SREK1: variants seen among roughly 807,000 people sequenced by gnomAD.
SREK1 encodes splicing regulatory glutamine/lysine-rich protein 1.
SREK1 carries 13 observed loss-of-function variants against 66.5 expected under a neutral mutation model. That is an observed-to-expected ratio of 0.20 (90% CI 0.13 to 0.31). The LOEUF is 0.31. SREK1 is among the 10% of genes least tolerant of loss of function. The probability of loss-of-function intolerance (pLI) is 1.00; values close to 1 mark genes in which losing one functional copy is unlikely to be tolerated. For synonymous variants in SREK1, 265 were observed against 263.5 expected, an observed-to-expected ratio of 1.01 and a Z score of -0.05; for missense variants, 607 against 769.6, an observed-to-expected ratio of 0.79 and a Z score of 2.50.
chr5:66,170,629 G>C lies in SREK1; in HGVS notation c.1166G>C (p.Arg389Thr). 1 of 1,612,238 alleles carries C rather than the reference G, an allele frequency of 6.2e-7. No homozygotes were observed. Among genetic ancestry groups the C allele is most frequent in the Non-Finnish European group, 8.5e-7 (1 of 1,179,640 alleles). Residue 389 changes from arginine to threonine, a missense_variant, in exon 9 of 12, where the codon AGA (arginine) becomes ACA (threonine). By Grantham distance (71) the Arg-to-Thr change is moderately conservative. This residue lies in a region of SREK1 where 318 missense variants were observed against 310.3 expected (regional missense o/e 1.02). Transcript: ENST00000334121. The stretch of plus-strand genomic sequence containing the variant: ...CGAGAAAAGATCAAGGAAAAGGAAA[G>C]AGTGAAAGAGAAAGACAGGGAAAAG... ...DTREKIKEKE[R>T]VKEKDREKER...
chr5:66,144,579 T>C, intron 1 of SREK1, 42 bp downstream of exon 1: 1 of 1,525,260 alleles, frequency 6.6e-7, no homozygotes, highest in Non-Finnish European at 8.8e-7. Flanking sequence ...GCGGGCGCCA[T>C]AGAGACCTCG....
chr5:66,150,349 A>G (rs1743682254), intron 1 of SREK1, among the ~76,000 whole-genome samples: 1 of 152,238 alleles, frequency 6.6e-6, no homozygotes, highest in Non-Finnish European at 1.5e-5. Flanking sequence ...TTGAGCCTTG[A>G]AGAAGAGTGG....
At chr5:66,169,464 G>C (rs931457767) in intron 7 of SREK1, 7 of 152,128 alleles carry the variant, frequency 4.6e-5, no homozygotes, top group Non-Finnish European at 1.0e-4. Context: ...CTCCAAAAAT[G>C]TGAAATTCAA....
chr5:66,144,619 G>A (rs1257092577), intron 1 of SREK1, 82 bp downstream of exon 1: 1 of 1,467,008 alleles, frequency 6.8e-7, no homozygotes, highest in Non-Finnish European at 9.0e-7. Flanking sequence ...GAGCGCGGAC[G>A]CGGGCGCGCG....
rs1011768338 is a variant in SREK1 at position 66,157,634 on chromosome 5, T to C, written c.296-1585T>C. On this transcript the variant is annotated intron_variant, in intron 2 of 11. Coordinates refer to ENST00000334121, the MANE Select transcript of SREK1 (RefSeq NM_001077199.3). ...TACATATAAAGCAGATTATTGTTAT[T>C]TGATGTTTTCAGTAAGGCCTACCTG... 3.1e-6 allele frequency: 3 copies of C among 970,288 alleles called. No homozygotes were observed. In the African/African-American group the frequency reaches 5.3e-5, roughly 17 times the overall value. The allele number at this position is 970,288 out of a possible 1,614,324, so 60.1% of individuals were successfully genotyped here.
At position 66,145,444 on chromosome 5, in the gene SREK1, G is replaced by T. The variant is rs114334026; in HGVS notation, c.161+907G>T. On this transcript the variant is annotated intron_variant, in intron 1 of 11. Coordinates refer to ENST00000334121, the MANE Select transcript of SREK1 (RefSeq NM_001077199.3). ...ATTATATCAAAATCCTTTGAGGGAA[G>T]GGGTAATTGTTACCCAAGATTTATT... is the stretch of plus-strand genomic sequence containing the variant. Among the ~76,000 whole-genome samples, 1,391 of 152,096 alleles carry T rather than the reference G, an allele frequency of 9.1e-3. 24 individuals carry two copies. Among genetic ancestry groups the T allele is most frequent in the African/African-American group, 0.031 (1,295 of 41,486 alleles).
intron 5 of SREK1, chr5:66,163,442 G>T (rs532072223): frequency 5.1e-6 from 1 of 195,456 alleles, no homozygotes; most frequent in South Asian, 8.3e-5. Flanking sequence ...ATATCAGTAA[G>T]ATCTTTTGAT....
At chr5:66,155,312 A>G (rs1296764150) in intron 2 of SREK1, among the ~76,000 whole-genome samples, 1 of 152,224 alleles carries the variant, frequency 6.6e-6, no homozygotes, top group Non-Finnish European at 1.5e-5. Flanking sequence ...CAATTTAGTT[A>G]TAAGTAAGTA....
intron 5 of SREK1, chr5:66,163,223 CT>C (rs1288185312): frequency 6.6e-6 from 1 of 152,324 alleles, no homozygotes; most frequent in Non-Finnish European, 1.5e-5. Flanking sequence ...GGGTACTTGT[CT>C]TCCCAGTGTG....
rs1305662043 is a variant in SREK1, at chr5:66,180,704, G to A, written c.*1836G>A. ...TCATTTTAATCATTCAGCCACATAC[G>A]GTTGGCTGGTAAACAGCTTATTCTG... On this transcript the variant is annotated 3_prime_UTR_variant, in exon 12 of 12. Transcript: ENST00000334121. The A allele has an allele frequency of 7.2e-5, 11 of 152,502 alleles. No homozygotes were observed. Among genetic ancestry groups the A allele is most frequent in the Non-Finnish European group, 4.4e-5 (3 of 68,008 alleles). 9.4% of individuals were successfully genotyped at this position (152,502 alleles called of 1,614,324 possible).
Position 66,177,510 on chromosome 5 carries a change from A to G in SREK1, c.1581-4A>G. 3.2e-6 allele frequency: 5 copies of G among 1,572,430 alleles called. No individual in the cohort carries two copies. Among genetic ancestry groups the G allele is most frequent in the South Asian group, 1.2e-5 (1 of 84,838 alleles). On this transcript the variant is annotated splice_region_variant and splice_polypyrimidine_tract_variant and intron_variant, in intron 10 of 11. Transcript: ENST00000334121. ...ATTTAACTGACATATCAATATTCTT[A>G]TAGCAGAAATAAGAAGGATAAAAAG...
chr5:66,176,091 G>C (rs2112105744), intron 10 of SREK1, among the ~76,000 whole-genome samples: 1 of 152,224 alleles, frequency 6.6e-6, no homozygotes, highest in Non-Finnish European at 1.5e-5. Context: ...TCTCTGGTTA[G>C]AGTCTTATTC....
At chr5:66,153,154 C>T (rs1456349196) in intron 1 of SREK1, among the ~76,000 whole-genome samples, 1 of 152,118 alleles carries the variant, frequency 6.6e-6, no homozygotes, top group African/African-American at 2.4e-5. Context: ...ATATGATACA[C>T]TTTTTGAGTT....
chr5:66,175,468 T>C (rs1247352047), intron 10 of SREK1, among the ~76,000 whole-genome samples: 3 of 152,166 alleles, frequency 2.0e-5, no homozygotes, highest in Non-Finnish European at 4.4e-5. Flanking sequence ...TGTATGGCCA[T>C]ACCTTAGTTT....
Position 66,181,902 on chromosome 5 carries a change from G to GA in SREK1, c.*3034_*3035insA, listed in dbSNP as rs888325189. 2.7e-4 allele frequency: 16 copies of GA among 60,340 alleles called. No homozygotes were observed. The highest frequency in any genetic ancestry group is 1.6e-3 in the Admixed American group (11 of 7,068). The allele number at this position is 60,340 out of a possible 1,614,324, so 3.7% of individuals were successfully genotyped here. On this transcript the variant is annotated 3_prime_UTR_variant, in exon 12 of 12. Coordinates refer to ENST00000334121, the MANE Select transcript of SREK1 (RefSeq NM_001077199.3). ...TTATAATGAAAAGGTTTTTTTGTCGGGGGGGGGGGGGTCAAGAGAATTTAT... is the reference window on the plus strand; with the variant it reads ...TTATAATGAAAAGGTTTTTTTGTCGGAGGGGGGGGGGGTCAAGAGAATTTAT...
intron 3 of SREK1, among the ~76,000 whole-genome samples, chr5:66,160,731 A>G (rs577196112): frequency 6.6e-6 from 1 of 152,320 alleles, no homozygotes; most frequent in East Asian, 1.9e-4. Context: ...TTCCGTTTTC[A>G]CCATTAGCAA....
chr5:66,155,806 C>G (rs2111982113), intron 2 of SREK1, among the ~76,000 whole-genome samples: 1 of 152,270 alleles, frequency 6.6e-6, no homozygotes, highest in Non-Finnish European at 1.5e-5. Flanking sequence ...AAGCCTTAGC[C>G]TTTGTTAATA....
intron 7 of SREK1, 171 bp from the exon 8 acceptor site, chr5:66,169,880 A>T: frequency 2.0e-6 from 1 of 489,584 alleles, no homozygotes; most frequent in Non-Finnish European, 3.5e-6. Flanking sequence ...GTTCTAGACA[A>T]TGAAATATCC....
intron 8 of SREK1, 122 bp downstream of exon 8, chr5:66,170,292 G>T (rs1745522910): frequency 7.9e-6 from 10 of 1,264,654 alleles, no homozygotes; most frequent in Middle Eastern, 4.1e-4. Context: ...TTTAATGAGA[G>T]AAATTAAACC....
Sources: allele counts gnomAD v4.1 joint callset (sites outside exome capture counted in the v4.1 genomes callset), GRCh38; gene constraint gnomAD v4.1.1; regional missense constraint gnomAD v4.1.1; transcripts MANE v1.5; gene names NCBI Gene and HGNC (gene_info 2026-07-23, HGNC 2026-07-21).